The following PARVB variants were observed in gnomAD, a reference collection of about 807,000 sequenced individuals.
The protein encoded by PARVB is parvin beta, also known as beta-parvin.
In PARVB, 46 loss-of-function variants were observed where a neutral mutation model predicts 47.0. That is an observed-to-expected ratio of 0.98 (90% CI 0.77 to 1.25). The LOEUF is 1.25. PARVB is among the 50% of genes most tolerant of loss of function. PARVB has a pLI of 0.00. For synonymous variants in PARVB, 196 were observed against 196.3 expected (o/e 1.00, Z 0.01); for missense variants, 473 against 471.6 (o/e 1.00, Z -0.03).
At chr22:44,008,820 C>A (rs1373694762) in intron 2 of PARVB, among the ~76,000 whole-genome samples, 1 of 151,666 alleles carries the variant, frequency 6.6e-6, no homozygotes, top group East Asian at 1.9e-4. Context: ...CCCATCTCTA[C>A]TAAAAGTACA....
Position 44,093,927 on chromosome 22 carries a change from G to A in PARVB, c.113-1G>A, listed in dbSNP as rs1408077043. ...GGTTTTTCTTTCCTTTTGCTCAACA[G>A]TGAGTGACCTGCAGGAAGAAGGCAA... On this transcript the variant is annotated splice_acceptor_variant, in intron 1 of 12. Coordinates refer to ENST00000338758, the MANE Select transcript of PARVB (RefSeq NM_013327.5). LOFTEE classifies it high-confidence loss of function. 2 of 1,611,050 alleles carry A rather than the reference G, an allele frequency of 1.2e-6. No individual in the cohort carries two copies. The highest frequency in any genetic ancestry group is 2.2e-5 in the East Asian group (1 of 44,854).
At chr22:44,164,460 G>A (rs1027421169) in intron 12 of PARVB, among the ~76,000 whole-genome samples, 4 of 147,962 alleles carry the variant, frequency 2.7e-5, no homozygotes, top group African/African-American at 1.0e-4. Context: ...TCTCTAACCT[G>A]AGTGAGCATC....
chr22:44,130,892 A>T (rs187404997), intron 4 of PARVB, among the ~76,000 whole-genome samples: 122 of 152,114 alleles, frequency 8.0e-4, no homozygotes, highest in Middle Eastern at 3.4e-3. Flanking sequence ...TCTAAGGAAG[A>T]TTAGTGACCT....
intron 1 of PARVB, among the ~76,000 whole-genome samples, chr22:44,065,724 G>A (rs1356074856): frequency 6.6e-6 from 1 of 152,164 alleles, no homozygotes; most frequent in Non-Finnish European, 1.5e-5. Flanking sequence ...AACATACGAT[G>A]TTTGGTTTTC....
rs1297786702 is a variant in PARVB at position 44,089,185 on chromosome 22, G to C, written c.113-4743G>C. 1.3e-5 allele frequency among the ~76,000 whole-genome samples: 2 copies of C among 152,194 alleles called. No homozygotes were observed. The highest frequency in any genetic ancestry group is 2.9e-5 in the Non-Finnish European group (2 of 68,040). On this transcript the variant is annotated intron_variant, in intron 1 of 12. Transcript: ENST00000338758. This position sits in a 1 kb window ranked among gnomAD's most constrained non-coding sequence, Gnocchi z 4.0. ...CCCCCCGTGCAGGCCACAGAGCGTG[G>C]TGCTGCAGGTGAACTCTGCTGCGGT...
chr22:44,096,817 C>T (rs879821033), intron 2 of PARVB, among the ~76,000 whole-genome samples: 17 of 152,056 alleles, frequency 1.1e-4, no homozygotes, highest in Admixed American at 3.3e-4. Flanking sequence ...GTGGGGAGGG[C>T]GGGGGCTCGG....
In PARVB at chr22:44,118,691, G is replaced by A. The variant is rs561931780; in HGVS notation, c.274-347G>A. Among the ~76,000 whole-genome samples the A allele has an allele frequency of 1.6e-4, 25 of 152,298 alleles. 1 individual carries two copies. The South Asian group carries it at 4.1e-3, about 25-fold the overall frequency. On this transcript the variant is annotated intron_variant, in intron 3 of 12. Transcript: ENST00000338758. ...GCAGAGTTGTGCAGCCTCTGTCCCT[G>A]TGCTAGCTCTGGACCTGGTGGTGGC...
rs769373214 is a variant in PARVB at position 44,103,900 on chromosome 22, C to G, written c.273+3777C>G. On this transcript the variant is annotated intron_variant, in intron 3 of 12. Transcript: ENST00000338758. The surrounding 1 kb of genome is among the most constrained non-coding windows in gnomAD (Gnocchi z 4.6). ...CCTGGAGCCTCCAGAAGGAACCAGC[C>G]CTGCTGACACCTGGATTTTAGCCCA... is the stretch of plus-strand genomic sequence containing the variant. 1 of 152,264 alleles carries G rather than the reference C, an allele frequency of 6.6e-6. No homozygotes were observed. The highest frequency in any genetic ancestry group is 6.5e-5 in the Admixed American group (1 of 15,278). 9.4% of individuals were successfully genotyped at this position (152,264 alleles called of 1,614,324 possible).
At chr22:44,140,059 T>TCCCTCATCCTCCACTTTCTG in intron 7 of PARVB, 65 bp from the exon 8 acceptor site, 1 of 1,597,902 alleles carries the variant, frequency 6.3e-7, no homozygotes, top group Non-Finnish European at 8.6e-7. Context: ...TCCTCCATTG[T>TCCCTCATCCTCCACTTTCTG]GCTGCTTGTG....
chr22:44,132,297 G>A lies in PARVB; in HGVS notation c.518-597G>A, dbSNP rs144327914. Among the ~76,000 whole-genome samples, 797 of 152,314 alleles carry A rather than the reference G, an allele frequency of 5.2e-3. 11 individuals carry two copies. The highest frequency in any genetic ancestry group is 0.018 in the African/African-American group (757 of 41,568). On this transcript the variant is annotated intron_variant, in intron 5 of 12. Transcript: ENST00000338758. ...ACCTTGGGCAGACCCAGGCTGTCTC[G>A]TGGGTGGCTGGGTCCGTGGGTGGGG...
At chr22:44,061,358 G>A (rs1417943703) in intron 1 of PARVB, among the ~76,000 whole-genome samples, 1 of 145,780 alleles carries the variant, frequency 6.9e-6, no homozygotes, top group Non-Finnish European at 1.5e-5. Context: ...TTGAACCCAG[G>A]AGGCAGAGGT....
chr22:44,050,385 C>T (rs1481010408), intron 1 of PARVB, among the ~76,000 whole-genome samples: 1 of 151,544 alleles, frequency 6.6e-6, no homozygotes, highest in Non-Finnish European at 1.5e-5. Flanking sequence ...CTCTTGTTGC[C>T]CAGGCTGGAG....
chr22:44,124,992 A>G (rs535067109), intron 4 of PARVB, among the ~76,000 whole-genome samples: 1 of 151,250 alleles, frequency 6.6e-6, no homozygotes, highest in South Asian at 2.1e-4. Context: ...GAGTTTGCAC[A>G]CTCTGCACAA....
chr22:44,040,032 C>G, intron 1 of PARVB: 1 of 281,988 alleles, frequency 3.5e-6, no homozygotes. Context: ...GTGGTGGTTG[C>G]CTCTGGGGCT....
At chr22:44,044,726 T>A (rs1332830835) in intron 1 of PARVB, among the ~76,000 whole-genome samples, 1 of 152,104 alleles carries the variant, frequency 6.6e-6, no homozygotes, top group Non-Finnish European at 1.5e-5. Flanking sequence ...CCTCAAGTGA[T>A]CCACCTGCCT....
intron 3 of PARVB, chr22:44,116,230 T>G (rs1178783873): frequency 4.6e-5 from 7 of 152,282 alleles, no homozygotes; most frequent in African/African-American, 1.7e-4. Context: ...TGATGCTTTC[T>G]TCATGATTCG....
At chr22:44,067,140 C>T (rs1041825556) in intron 1 of PARVB, among the ~76,000 whole-genome samples, 2 of 152,162 alleles carry the variant, frequency 1.3e-5, no homozygotes, top group African/African-American at 4.8e-5. Context: ...CTGTGCCAGG[C>T]CCCTTTAATT....
At chr22:44,105,742 C>T (rs915007784) in intron 3 of PARVB, 1 of 152,224 alleles carries the variant, frequency 6.6e-6, no homozygotes, top group South Asian at 2.1e-4. Context: ...GCAGCACCAA[C>T]ATGAGGTTCA....
At chr22:44,023,592 T>C (rs149549677), upstream of PARVB, among the ~76,000 whole-genome samples, 2,586 of 144,140 alleles carry the variant, frequency 0.018, 97 homozygotes, top group African/African-American at 0.064. Flanking sequence ...TAAAATAAAA[T>C]AAAATAAAAT....
Sources: allele counts gnomAD v4.1 joint callset (sites outside exome capture counted in the v4.1 genomes callset), GRCh38; gene constraint gnomAD v4.1.1; non-coding constraint Gnocchi (gnomAD v3.1); transcripts MANE v1.5; gene names NCBI Gene and HGNC (gene_info 2026-07-23, HGNC 2026-07-21).